Variants in CLNK observed in about 807,000 individuals in gnomAD.
The protein encoded by CLNK is cytokine dependent hematopoietic cell linker.
A neutral mutation model predicts 68.6 loss-of-function variants in CLNK; 74 were observed. The ratio of observed to expected loss-of-function variants is 1.08; its 90% CI spans 0.89 to 1.31. The LOEUF is 1.31. Among genes scored for constraint, CLNK ranks in the 50% most tolerant of loss-of-function variants. The pLI is 0.00. For missense variants in CLNK, 553 were observed against 515.3 expected (o/e 1.07, Z -0.71); for synonymous variants, 198 against 172.2 (o/e 1.15, Z -1.17).
chr4:10,699,413 T>A, the CLNK span, among the ~76,000 whole-genome samples: 1 of 130,448 alleles, frequency 7.7e-6, no homozygotes, highest in East Asian at 2.3e-4. Flanking sequence ...GATGTTCAAG[T>A]CCCTTACATA....
At chr4:10,609,988 C>T (rs1174992228) in intron 2 of CLNK, among the ~76,000 whole-genome samples, 1 of 145,928 alleles carries the variant, frequency 6.9e-6, no homozygotes, top group African/African-American at 2.6e-5. Context: ...CCCTAGTACT[C>T]GTTTTCTAAT....
At chr4:10,609,282 A>G (rs1403352573) in intron 2 of CLNK, among the ~76,000 whole-genome samples, 1 of 152,042 alleles carries the variant, frequency 6.6e-6, no homozygotes, top group African/African-American at 2.4e-5. Flanking sequence ...TTCCCTTGGT[A>G]CTCAGCTCTA....
At chr4:10,693,142 G>T in the CLNK span, among the ~76,000 whole-genome samples, 1 of 152,194 alleles carries the variant, frequency 6.6e-6, no homozygotes, top group African/African-American at 2.4e-5. Flanking sequence ...CTTGAGCCTT[G>T]TATAAGGAGC....
chr4:10,552,977 G>A (rs531152240), intron 8 of CLNK, among the ~76,000 whole-genome samples: 1 of 152,070 alleles, frequency 6.6e-6, no homozygotes, highest in East Asian at 1.9e-4. Context: ...TATGGAATTA[G>A]AAAAACTAAG....
intron 3 of CLNK, among the ~76,000 whole-genome samples, chr4:10,592,692 G>GTTGT (rs201603478): frequency 1.8e-4 from 27 of 151,544 alleles, no homozygotes; most frequent in South Asian, 6.3e-4. Flanking sequence ...GCATCTACTT[G>GTTGT]TTGTTTGTTT....
chr4:10,630,551 AG>A (rs1258139677), intron 2 of CLNK, among the ~76,000 whole-genome samples: 3 of 152,176 alleles, frequency 2.0e-5, no homozygotes, highest in African/African-American at 7.2e-5. Context: ...TGTGAATTCT[AG>A]GAGGGGAAGA....
In CLNK at chr4:10,679,361, T is replaced by C. The variant is rs1725002566; in HGVS notation, c.-43+5307A>G. ...CCTTCCTTACACCTTACACAAAAAT[T>C]AATTCAAGATGGATGAAAGACTTAC... is the stretch of plus-strand genomic sequence containing the variant. On this transcript the variant is annotated intron_variant, in intron 1 of 18. Coordinates refer to ENST00000226951, the MANE Select transcript of CLNK (RefSeq NM_052964.4). 2.6e-5 allele frequency among the ~76,000 whole-genome samples: 4 copies of C among 152,276 alleles called. No individual in the cohort carries two copies. In the South Asian group the frequency reaches 8.3e-4, roughly 32 times the overall value.
chr4:10,676,097 G>A (rs1724864566), intron 1 of CLNK, among the ~76,000 whole-genome samples: 1 of 151,514 alleles, frequency 6.6e-6, no homozygotes, highest in Non-Finnish European at 1.5e-5. Flanking sequence ...GTGTGTGTTT[G>A]CACACACATA....
chr4:10,490,200 T>A lies in CLNK; in HGVS notation c.*267A>T. 1 of 331,702 alleles carries A rather than the reference T, an allele frequency of 3.0e-6. No homozygotes were observed. Among genetic ancestry groups the A allele is most frequent in the Non-Finnish European group, 5.4e-6 (1 of 184,614 alleles). 20.5% of individuals were successfully genotyped at this position (331,702 alleles called of 1,614,324 possible). On this transcript the variant is annotated 3_prime_UTR_variant, in exon 19 of 19. Coordinates refer to ENST00000226951, the MANE Select transcript of CLNK (RefSeq NM_052964.4). ...TTTTTTGTTGTTGTTTTTTAGAAGATACTTTTAAAACCCTAGTTTTTATTT... is the reference window on the plus strand; with the variant it reads ...TTTTTTGTTGTTGTTTTTTAGAAGAAACTTTTAAAACCCTAGTTTTTATTT...
the CLNK span, among the ~76,000 whole-genome samples, chr4:10,711,220 C>A: frequency 6.6e-6 from 1 of 152,158 alleles, no homozygotes; most frequent in Non-Finnish European, 1.5e-5. Context: ...TGACTCATTG[C>A]ACTAAGTCAT....
chr4:10,540,881 C>A (rs1718984919), intron 10 of CLNK, among the ~76,000 whole-genome samples: 1 of 152,072 alleles, frequency 6.6e-6, no homozygotes, highest in African/African-American at 2.4e-5. Context: ...CCATTCATCC[C>A]AGACTGGCAG....
At chr4:10,605,981 C>G (rs983338718) in intron 2 of CLNK, among the ~76,000 whole-genome samples, 2 of 152,078 alleles carry the variant, frequency 1.3e-5, no homozygotes, top group East Asian at 1.9e-4. Flanking sequence ...TAGGACATGA[C>G]TGTACACTAC....
chr4:10,604,576 T>C (rs1721718070), intron 2 of CLNK, among the ~76,000 whole-genome samples: 1 of 151,130 alleles, frequency 6.6e-6, no homozygotes, highest in South Asian at 2.1e-4. Context: ...AGGCTTCTTG[T>C]CACAGCTTTT....
At chr4:10,711,023 A>G in the CLNK span, among the ~76,000 whole-genome samples, 1 of 152,350 alleles carries the variant, frequency 6.6e-6, no homozygotes, top group African/African-American at 2.4e-5. Context: ...TTATACTTCA[A>G]GAGTCTGTCT....
chr4:10,614,078 C>T (rs1372049602), intron 2 of CLNK, among the ~76,000 whole-genome samples: 2 of 152,174 alleles, frequency 1.3e-5, no homozygotes, highest in Non-Finnish European at 2.9e-5. Flanking sequence ...TGAAATTTCT[C>T]CAGCTGTAAT....
rs150721598 is a variant in CLNK at position 10,536,429 on chromosome 4, T to G, written c.602+4065A>C. On this transcript the variant is annotated intron_variant, in intron 11 of 18. Transcript: ENST00000226951. Reference sequence around the variant, plus strand: ...CATGTGGGCCCTGCTAAAAATGAATTTGAAAGCACATCTCTCTTTCAGAGG... The same window carrying G: ...CATGTGGGCCCTGCTAAAAATGAATGTGAAAGCACATCTCTCTTTCAGAGG... Among the ~76,000 whole-genome samples the G allele has an allele frequency of 1.7e-3, 257 of 152,300 alleles. 1 individual carries two copies. Among genetic ancestry groups the G allele is most frequent in the African/African-American group, 5.8e-3 (243 of 41,566 alleles).
intron 12 of CLNK, among the ~76,000 whole-genome samples, chr4:10,531,193 T>A (rs113627330): frequency 7.9e-5 from 12 of 152,282 alleles, no homozygotes; most frequent in African/African-American, 2.6e-4. Context: ...ACTTGTGTTG[T>A]TGGACAGTCT....
At chr4:10,609,817 A>G (rs982745196) in intron 2 of CLNK, among the ~76,000 whole-genome samples, 3 of 152,106 alleles carry the variant, frequency 2.0e-5, no homozygotes, top group Non-Finnish European at 4.4e-5. Context: ...AAAAATATAT[A>G]TCATCTGCTT....
At chr4:10,528,179 T>C (rs73809630) in intron 12 of CLNK, 85 bp from the exon 13 acceptor site, 21,850 of 588,560 alleles carry the variant, frequency 0.037, 1,019 homozygotes, top group African/African-American at 0.16. Context: ...TTAGAGCATT[T>C]GGTTGGCAGA....
Sources: allele counts gnomAD v4.1 joint callset (sites outside exome capture counted in the v4.1 genomes callset), GRCh38; gene constraint gnomAD v4.1.1; transcripts MANE v1.5; gene names NCBI Gene and HGNC (gene_info 2026-07-23, HGNC 2026-07-21).